The following TMEM216 variants were observed in gnomAD, a reference collection of about 807,000 sequenced individuals.
TMEM216 encodes the protein cerebello-oculo-renal syndrome 2.
A neutral mutation model predicts 17.8 loss-of-function variants in TMEM216; 15 were observed. The ratio of observed to expected loss-of-function variants is 0.84; its 90% CI spans 0.56 to 1.30. The LOEUF (loss-of-function observed/expected upper bound fraction) is 1.30. TMEM216 is among the 50% of genes most tolerant of loss of function. The probability of loss-of-function intolerance (pLI) is 0.00; values close to 1 mark genes in which losing one functional copy is unlikely to be tolerated. For missense variants in TMEM216, 160 were observed against 175.7 expected, an observed-to-expected ratio of 0.91 and a Z score of 0.51; for synonymous variants, 58 against 73.5, an observed-to-expected ratio of 0.79 and a Z score of 1.08.
intron 3 of TMEM216, among the ~76,000 whole-genome samples, chr11:61,395,606 C>T (rs374215662): frequency 1.6e-3 from 246 of 151,700 alleles, no homozygotes; most frequent in African/African-American, 3.3e-3. Flanking sequence ...TGTGGTGGCG[C>T]GCACCTGTAA....
chr11:61,393,919 C>T lies in TMEM216; in HGVS notation c.172C>T (p.Leu58=). The T allele has an allele frequency of 1.9e-6, 3 of 1,613,944 alleles. No homozygotes were observed. Among genetic ancestry groups the T allele is most frequent in the South Asian group, 1.1e-5 (1 of 91,078 alleles). ...LLPYPTANLV[L]DVVMLLLYLG... is the part of the protein sequence containing the mutation. ...ACCATATCCAACAGCTAACCTAGTA[C>T]TGGATGTGGTGATGCTCCTCCTTTA... Residue 58 remains leucine (L), a synonymous_variant, in exon 3 of 5, where the codon CTG becomes TTG. Coordinates refer to ENST00000515837, the MANE Select transcript of TMEM216 (RefSeq NM_001173990.3).
intron 1 of TMEM216, 69 bp from the exon 2 acceptor site, chr11:61,393,162 C>T (rs1858715257): frequency 2.4e-6 from 3 of 1,230,484 alleles, no homozygotes; most frequent in South Asian, 2.8e-5. Flanking sequence ...CAAAGTTAGA[C>T]ACCAACCCAT....
chr11:61,397,927 G>A lies in TMEM216; in HGVS notation c.383G>A (p.Cys128Tyr). 2 of 1,613,982 alleles carry A rather than the reference G, an allele frequency of 1.2e-6. No individual in the cohort carries two copies. The highest frequency in any genetic ancestry group is 1.7e-6 in the Non-Finnish European group (2 of 1,179,906). ...AIMNGILLFF[C>Y]GSELLLEVLT... ...ATGAATGGCATCTTGCTCTTCTTCT[G>A]TGGCTCAGAGCTTTTACTTGAGGTG... Residue 128 changes from cysteine to tyrosine, a missense_variant, in exon 4 of 5, where the codon TGT becomes TAT. Coordinates refer to ENST00000515837, the MANE Select transcript of TMEM216 (RefSeq NM_001173990.3).
chr11:61,396,374 G>T (rs970748502), intron 3 of TMEM216, among the ~76,000 whole-genome samples: 1 of 152,188 alleles, frequency 6.6e-6, no homozygotes, highest in African/African-American at 2.4e-5. Context: ...AGCTACTCGG[G>T]AGGGTGAGGC....
intron 3 of TMEM216, among the ~76,000 whole-genome samples, chr11:61,395,863 C>A (rs564582951): frequency 9.9e-5 from 15 of 152,108 alleles, no homozygotes; most frequent in Admixed American, 7.2e-4. Flanking sequence ...ATTTTTTACC[C>A]ATCAGACTGG....
In TMEM216 at chr11:61,398,262, A is replaced by G. The variant is rs756453254; in HGVS notation, c.432-8A>G. On this transcript the variant is annotated splice_polypyrimidine_tract_variant and splice_region_variant and intron_variant, in intron 4 of 4. Transcript: ENST00000515837. Reference sequence around the variant, plus strand: ...ACATTTTCTTTCTTTCTGCCATCGTATGGACAGGATTTGAAGTACAGAATT... The same window carrying G: ...ACATTTTCTTTCTTTCTGCCATCGTGTGGACAGGATTTGAAGTACAGAATT... 5 of 1,609,664 alleles carry G rather than the reference A, an allele frequency of 3.1e-6. No homozygotes were observed. The highest frequency in any genetic ancestry group is 2.2e-5 in the East Asian group (1 of 44,754).
intron 3 of TMEM216, among the ~76,000 whole-genome samples, chr11:61,395,173 G>T (rs1858771826): frequency 6.6e-6 from 1 of 151,722 alleles, no homozygotes; most frequent in Non-Finnish European, 1.5e-5. Context: ...ACAGTGTCTT[G>T]CCTTGTTGCC....
chr11:61,395,472 G>A (rs1178593613), intron 3 of TMEM216, among the ~76,000 whole-genome samples: 1 of 152,088 alleles, frequency 6.6e-6, no homozygotes, highest in Non-Finnish European at 1.5e-5. Context: ...GGGCGCAGTG[G>A]CTCACGTCTG....
Position 61,397,800 on chromosome 11 carries a change from A to C in TMEM216, c.256A>C (p.Lys86Gln). 1.9e-6 allele frequency: 3 copies of C among 1,613,660 alleles called. No individual in the cohort carries two copies. Among genetic ancestry groups the C allele is most frequent in the Non-Finnish European group, 2.5e-6 (3 of 1,179,892 alleles). Residue 86 changes from lysine (K) to glutamine (Q), a missense_variant, in exon 4 of 5, where the codon AAG (lysine) becomes CAG (glutamine). By Grantham distance (53) the Lys-to-Gln change is moderately conservative. Coordinates refer to ENST00000515837, the MANE Select transcript of TMEM216 (RefSeq NM_001173990.3). Reference sequence around the variant, plus strand: ...TACAAAGGGAAACCTCTGCCAGCGAAAGATGCCGCTCAGTATTAGCGTGGC... The same window carrying C: ...TACAAAGGGAAACCTCTGCCAGCGACAGATGCCGCTCAGTATTAGCGTGGC... ...FGTKGNLCQR[K>Q]MPLSISVALT... is the part of the protein sequence containing the mutation.
chr11:61,397,654 G>C, intron 3 of TMEM216, 120 bp from the exon 4 acceptor site: 1 of 834,296 alleles, frequency 1.2e-6, no homozygotes, highest in Non-Finnish European at 1.9e-6. Flanking sequence ...TTATAAATCT[G>C]CACACCCCCA....
In TMEM216 at chr11:61,397,964, T is replaced by C. The variant is rs749351351; in HGVS notation, c.420T>C (p.Ala140=). The C allele has an allele frequency of 4.9e-5, 79 of 1,613,726 alleles. No individual in the cohort carries two copies. Among genetic ancestry groups the C allele is most frequent in the Middle Eastern group, 1.6e-4 (1 of 6,084 alleles). Reference sequence around the variant, plus strand: ...TTTTACTTGAGGTGCTCACCTTGGCTGCTTTCTCCAGGTACTGCTGCTGAG... The same window carrying C: ...TTTTACTTGAGGTGCTCACCTTGGCCGCTTTCTCCAGGTACTGCTGCTGAG... ...SELLLEVLTL[A]AFSRI The change falls in exon 4 of 5, where the codon GCT becomes GCC. Residue 140 remains alanine, a synonymous_variant. Coordinates refer to ENST00000515837, the MANE Select transcript of TMEM216 (RefSeq NM_001173990.3).
chr11:61,393,114 G>T (rs1199938522), intron 1 of TMEM216, 117 bp from the exon 2 acceptor site: 1 of 797,604 alleles, frequency 1.3e-6, no homozygotes, highest in Non-Finnish European at 1.9e-6. Flanking sequence ...AAGTGCCCCT[G>T]AGTGGCCGGT....
At chr11:61,397,665 C>A (rs1858827991) in intron 3 of TMEM216, 109 bp from the exon 4 acceptor site, 2 of 983,684 alleles carry the variant, frequency 2.0e-6, no homozygotes, top group African/African-American at 3.2e-5. Context: ...CACACCCCCA[C>A]TCAGGATTAT....
intron 1 of TMEM216, chr11:61,392,947 C>T: frequency 1.1e-6 from 1 of 892,990 alleles, no homozygotes; most frequent in Non-Finnish European, 1.3e-6. Flanking sequence ...CAAATAGTGA[C>T]AGAGTGAGAT....
rs1858848035 is a variant in TMEM216 at position 61,398,309 on chromosome 11, T to G, written c.*33T>G. The G allele has an allele frequency of 6.8e-6, 11 of 1,608,670 alleles. No individual in the cohort carries two copies. In the East Asian group the frequency reaches 2.5e-4, roughly 36 times the overall value. ...AATTTCAGCCAGCAGCCCATCAGGC[T>G]GACACCACACATATTGCTTCTGGTA... is the stretch of plus-strand genomic sequence containing the variant. On this transcript the variant is annotated 3_prime_UTR_variant, in exon 5 of 5. Coordinates refer to ENST00000515837, the MANE Select transcript of TMEM216 (RefSeq NM_001173990.3).
chr11:61,397,797 C>A lies in TMEM216; in HGVS notation c.253C>A (p.Arg85=), dbSNP rs11230683. The part of the protein sequence containing the change: ...FFGTKGNLCQ[R]KMPLSISVAL... The stretch of plus-strand genomic sequence containing the variant: ...AGGTACAAAGGGAAACCTCTGCCAG[C>A]GAAAGATGCCGCTCAGTATTAGCGT... Residue 85 remains arginine (R), a synonymous_variant, in exon 4 of 5, where the codon CGA becomes AGA. Coordinates refer to ENST00000515837, the MANE Select transcript of TMEM216 (RefSeq NM_001173990.3). The A allele has an allele frequency of 6.5e-4, 1,047 of 1,613,490 alleles. 27 individuals carry two copies. In the East Asian group the frequency reaches 0.021, roughly 32 times the overall value.
Position 61,393,231 on chromosome 11 carries a change from GT to G in TMEM216, c.36del (p.Lys13AsnfsTer14). The G allele has an allele frequency of 1.3e-6, 2 of 1,535,012 alleles. No homozygotes were observed. The highest frequency in any genetic ancestry group is 1.7e-6 in the Non-Finnish European group (2 of 1,146,212). On this transcript the variant is annotated frameshift_variant and splice_region_variant, in exon 2 of 5. Coordinates refer to ENST00000515837, the MANE Select transcript of TMEM216 (RefSeq NM_001173990.3). LOFTEE classifies it high-confidence loss of function. Reference sequence around the variant, plus strand: ...CCACTTCTCTGTGCTCCTTTTTCAGGTAAACGGTTGTCCTCCACCCCGCTGG... The same window carrying G: ...CCACTTCTCTGTGCTCCTTTTTCAGGAAACGGTTGTCCTCCACCCCGCTGG... ...LPRGLKMAPR[G>X]KRLSSTPLEI...
At position 61,394,241 on chromosome 11, in the gene TMEM216, G is replaced by T. The variant is rs1858747565; in HGVS notation, c.229+265G>T. On this transcript the variant is annotated intron_variant, in intron 3 of 4. Coordinates refer to ENST00000515837, the MANE Select transcript of TMEM216 (RefSeq NM_001173990.3). ...CTGCCTAACTGCAAGAAGAGTGCTT[G>T]GTTCTTCTCACTAGTATTCTTAGGG... 5 of 449,150 alleles carry T rather than the reference G, an allele frequency of 1.1e-5. No homozygotes were observed. In the Admixed American group the frequency reaches 1.4e-4, roughly 13 times the overall value. The allele number at this position is 449,150 out of a possible 1,614,324, so 27.8% of individuals were successfully genotyped here.
intron 3 of TMEM216, among the ~76,000 whole-genome samples, chr11:61,396,558 C>T (rs972046398): frequency 3.3e-5 from 5 of 152,092 alleles, no homozygotes; most frequent in Admixed American, 2.0e-4. Flanking sequence ...TGTGGGAGGC[C>T]GAGGCGAACG....
Sources: allele counts gnomAD v4.1 joint callset (sites outside exome capture counted in the v4.1 genomes callset), GRCh38; gene constraint gnomAD v4.1.1; transcripts MANE v1.5; gene names NCBI Gene and HGNC (gene_info 2026-07-23, HGNC 2026-07-21).